The following FZD9 variants were observed in gnomAD, a reference collection of about 807,000 sequenced individuals.
FZD9 encodes frizzled class receptor 9, also known as frizzled-9.
A neutral mutation model predicts 29.9 loss-of-function variants in FZD9; 29 were observed. That is an observed-to-expected ratio of 0.97 (90% CI 0.72 to 1.32). The LOEUF is 1.32. Ranked by LOEUF, FZD9 falls within the 40% of genes most tolerant of loss-of-function variation. FZD9 has a pLI of 0.00. For missense variants in FZD9, 822 were observed against 857.8 expected (o/e 0.96, Z 0.52); for synonymous variants, 384 against 393.9 (o/e 0.97, Z 0.30).
At position 73,435,233 on chromosome 7, in the gene FZD9, A is replaced by C; in HGVS notation, c.1226A>C (p.Tyr409Ser). The C allele has an allele frequency of 6.2e-7, 1 of 1,613,622 alleles. No homozygotes were observed. Among genetic ancestry groups the C allele is most frequent in the Non-Finnish European group, 8.5e-7 (1 of 1,180,012 alleles). The stretch of plus-strand genomic sequence containing the variant: ...TTCGTGCTGGTGCCCCTCTCTGGCT[A>C]CCTGGTGCTGGGCAGTAGTTTCCTC... ...TGFVLVPLSGYLVLGSSFLLT... is the reference protein window; with the variant it reads ...TGFVLVPLSGSLVLGSSFLLT... The change falls in exon 1 of 1, where the codon TAC becomes TCC. Residue 409 changes from tyrosine to serine, a missense_variant. Physicochemically the swap from Tyr to Ser is moderately radical, Grantham distance 144 (BLOSUM62 -2). Coordinates refer to ENST00000344575, the MANE Select transcript of FZD9 (RefSeq NM_003508.3).
At position 73,435,582 on chromosome 7, in the gene FZD9, C is replaced by T. The variant is rs1583873222; in HGVS notation, c.1575C>T (p.Gly525=). Reference sequence around the variant, plus strand: ...CACTGGTGGTGGGGATCACCAGCGGCGTCTGGGTGTGGAGCTCCAAGACTT... The same window carrying T: ...CACTGGTGGTGGGGATCACCAGCGGTGTCTGGGTGTGGAGCTCCAAGACTT... ...FMSLVVGITS[G]VWVWSSKTFQ... The change falls in exon 1 of 1, where the codon GGC becomes GGT. Residue 525 remains glycine (G), a synonymous_variant. Transcript: ENST00000344575. The T allele has an allele frequency of 1.2e-6, 2 of 1,613,190 alleles. No homozygotes were observed. Among genetic ancestry groups the T allele is most frequent in the Non-Finnish European group, 1.7e-6 (2 of 1,179,834 alleles).
In FZD9 at chr7:73,435,097, G is replaced by T; in HGVS notation, c.1090G>T (p.Gly364Cys). ...HGSYFHMAAW[G>C]LPALKTIVIL... ...CAGCTATTTCCACATGGCTGCCTGGGGCCTGCCCGCGCTCAAGACCATCGT... is the reference window on the plus strand; with the variant it reads ...CAGCTATTTCCACATGGCTGCCTGGTGCCTGCCCGCGCTCAAGACCATCGT... Residue 364 changes from glycine (G) to cysteine (C), a missense_variant, in exon 1 of 1, where the codon GGC becomes TGC. Transcript: ENST00000344575. 1 of 1,611,946 alleles carries T rather than the reference G, an allele frequency of 6.2e-7. No individual in the cohort carries two copies.
chr7:73,433,882 G>A lies in FZD9; in HGVS notation c.-126G>A. 1.3e-6 allele frequency: 1 copy of A among 749,254 alleles called. No homozygotes were observed. Among genetic ancestry groups the A allele is most frequent in the Non-Finnish European group, 1.7e-6 (1 of 603,572 alleles). 46.4% of individuals were successfully genotyped at this position (749,254 alleles called of 1,614,324 possible). On this transcript the variant is annotated 5_prime_UTR_variant, in exon 1 of 1. Transcript: ENST00000344575. ...TGCCCGCTCGCTGCCCAGGGCGCCC[G>A]GACACACGTGGGCGGCTCAGCGATG...
chr7:73,435,934 G>A lies in FZD9; in HGVS notation c.*151G>A, dbSNP rs570421960. ...GGACTGAGGATCAGGGCGGGACCCCGTGAGGCTCATTAGGGGAGATGGGGG... is the reference window on the plus strand; with the variant it reads ...GGACTGAGGATCAGGGCGGGACCCCATGAGGCTCATTAGGGGAGATGGGGG... On this transcript the variant is annotated 3_prime_UTR_variant, in exon 1 of 1. Transcript: ENST00000344575. 2.8e-6 allele frequency: 3 copies of A among 1,071,106 alleles called. No homozygotes were observed. The highest frequency in any genetic ancestry group is 4.1e-6 in the Non-Finnish European group (3 of 740,484). The allele number at this position is 1,071,106 out of a possible 1,614,324, so 66.4% of individuals were successfully genotyped here.
At position 73,434,840 on chromosome 7, in the gene FZD9, C is replaced by G; in HGVS notation, c.833C>G (p.Ser278Trp). Residue 278 changes from serine to tryptophan, a missense_variant, in exon 1 of 1, where the codon TCG becomes TGG. Transcript: ENST00000344575. Reference sequence around the variant, plus strand: ...CTCTCCATGTGCTACAACGTCTACTCGCTGGCCTTCCTGATCCGTGCGGTG... The same window carrying G: ...CTCTCCATGTGCTACAACGTCTACTGGCTGGCCTTCCTGATCCGTGCGGTG... The part of the protein sequence containing the change: ...IFLSMCYNVY[S>W]LAFLIRAVAG... The G allele has an allele frequency of 6.2e-7, 1 of 1,613,440 alleles. No homozygotes were observed. The highest frequency in any genetic ancestry group is 8.5e-7 in the Non-Finnish European group (1 of 1,180,012).
chr7:73,435,310 G>T lies in FZD9; in HGVS notation c.1303G>T (p.Gly435Cys). The change falls in exon 1 of 1, where the codon GGC becomes TGC. Residue 435 changes from glycine (G) to cysteine (C), a missense_variant. Physicochemically the swap from Gly to Cys is radical, Grantham distance 159. Coordinates refer to ENST00000344575, the MANE Select transcript of FZD9 (RefSeq NM_003508.3). ...FHIRKIMKTGGTNTEKLEKLM... is the reference protein window; with the variant it reads ...FHIRKIMKTGCTNTEKLEKLM... ...CATCCGCAAGATCATGAAGACGGGCGGCACCAACACAGAGAAGCTGGAGAA... is the reference window on the plus strand; with the variant it reads ...CATCCGCAAGATCATGAAGACGGGCTGCACCAACACAGAGAAGCTGGAGAA... 1 of 1,613,756 alleles carries T rather than the reference G, an allele frequency of 6.2e-7. No homozygotes were observed.
Position 73,434,833 on chromosome 7 carries a change from G to A in FZD9, c.826G>A (p.Val276Ile). 4 of 1,613,298 alleles carry A rather than the reference G, an allele frequency of 2.5e-6. No individual in the cohort carries two copies. Among genetic ancestry groups the A allele is most frequent in the Non-Finnish European group, 3.4e-6 (4 of 1,180,016 alleles). ...PIIFLSMCYN[V>I]YSLAFLIRAV... ...CATCTTCCTCTCCATGTGCTACAAC[G>A]TCTACTCGCTGGCCTTCCTGATCCG... The change falls in exon 1 of 1, where the codon GTC becomes ATC. Residue 276 changes from valine (V) to isoleucine (I), a missense_variant. Physicochemically the swap from Val to Ile is conservative, Grantham distance 29. Coordinates refer to ENST00000344575, the MANE Select transcript of FZD9 (RefSeq NM_003508.3).
rs1554563436 is a variant in FZD9, at chr7:73,434,783, G to C, written c.776G>C (p.Arg259Pro). 6.2e-7 allele frequency: 1 copy of C among 1,612,620 alleles called. No individual in the cohort carries two copies. The highest frequency in any genetic ancestry group is 8.5e-7 in the Non-Finnish European group (1 of 1,179,966). ...CTCACCTTCTTGCTGGAGCCCCACC[G>C]CTTCCAGTACCCCGAGCGCCCCATC... ...TVLTFLLEPH[R>P]FQYPERPIIF... Residue 259 changes from arginine (R) to proline (P), a missense_variant, in exon 1 of 1, where the codon CGC becomes CCC. Coordinates refer to ENST00000344575, the MANE Select transcript of FZD9 (RefSeq NM_003508.3).
In FZD9 at chr7:73,434,769, G is replaced by T; in HGVS notation, c.762G>T (p.Leu254Phe). The change falls in exon 1 of 1, where the codon TTG becomes TTT. Residue 254 changes from leucine to phenylalanine, a missense_variant. Transcript: ENST00000344575. Reference protein sequence around the residue: ...FSTAFTVLTFLLEPHRFQYPE... With the variant: ...FSTAFTVLTFFLEPHRFQYPE... ...CCGCCTTCACTGTGCTCACCTTCTTGCTGGAGCCCCACCGCTTCCAGTACC... is the reference window on the plus strand; with the variant it reads ...CCGCCTTCACTGTGCTCACCTTCTTTCTGGAGCCCCACCGCTTCCAGTACC... 1 of 1,612,276 alleles carries T rather than the reference G, an allele frequency of 6.2e-7. No individual in the cohort carries two copies.
chr7:73,434,568 C>A lies in FZD9; in HGVS notation c.561C>A (p.Gly187=). 2 of 1,475,618 alleles carry A rather than the reference C, an allele frequency of 1.4e-6. No homozygotes were observed. The highest frequency in any genetic ancestry group is 8.9e-7 in the Non-Finnish European group (1 of 1,119,506). The allele number at this position is 1,475,618 out of a possible 1,614,324, so 91.4% of individuals were successfully genotyped here. A position where few individuals can be genotyped will look rare whatever the true frequency, so the allele number is the denominator to read the frequency against. ...PRPARPPGDL[G]PGAGGSGTCE... is the part of the protein sequence containing the mutation. ...CCGCGCGCCCTCCCGGAGACCTGGGCCCGGGCGCGGGCGGCAGTGGCACCT... is the reference window on the plus strand; with the variant it reads ...CCGCGCGCCCTCCCGGAGACCTGGGACCGGGCGCGGGCGGCAGTGGCACCT... The change falls in exon 1 of 1, where the codon GGC becomes GGA. Residue 187 remains glycine (G), a synonymous_variant. Coordinates refer to ENST00000344575, the MANE Select transcript of FZD9 (RefSeq NM_003508.3).
rs567917703 is a variant in FZD9, at chr7:73,434,881, G to A, written c.874G>A (p.Val292Met). 1.1e-5 allele frequency: 18 copies of A among 1,613,412 alleles called. No individual in the cohort carries two copies. The South Asian group carries it at 1.5e-4, about 14-fold the overall frequency. Residue 292 changes from valine (V) to methionine (M), a missense_variant, in exon 1 of 1, where the codon GTG becomes ATG. By Grantham distance (21) the Val-to-Met change is conservative. Transcript: ENST00000344575. ...CCGTGCGGTGGCCGGAGCGCAGAGC[G>A]TGGCCTGTGACCAGGAGGCGGGCGC... is the stretch of plus-strand genomic sequence containing the variant. ...LIRAVAGAQS[V>M]ACDQEAGALY... is the part of the protein sequence containing the mutation.
chr7:73,435,290 G>A lies in FZD9; in HGVS notation c.1283G>A (p.Arg428His), dbSNP rs782493264. Residue 428 changes from arginine (R) to histidine (H), a missense_variant, in exon 1 of 1, where the codon CGC (arginine) becomes CAC (histidine). Coordinates refer to ENST00000344575, the MANE Select transcript of FZD9 (RefSeq NM_003508.3). ...LTGFVALFHI[R>H]KIMKTGGTNT... ...GGCTTCGTGGCCCTCTTCCACATCCGCAAGATCATGAAGACGGGCGGCACC... is the reference window on the plus strand; with the variant it reads ...GGCTTCGTGGCCCTCTTCCACATCCACAAGATCATGAAGACGGGCGGCACC... The A allele has an allele frequency of 6.2e-6, 10 of 1,613,708 alleles. No individual in the cohort carries two copies. In the Admixed American group the frequency reaches 1.3e-4, roughly 22 times the overall value.
rs1554563132 is a variant in FZD9 at position 73,434,002 on chromosome 7, C to T, written c.-6C>T. On this transcript the variant is annotated 5_prime_UTR_variant, in exon 1 of 1. Transcript: ENST00000344575. ...GCGCTCCCGCCTTCGGCCCGGGCCT[C>T]CCGGGATGGCCGTGGCGCCTCTGCG... The T allele has an allele frequency of 8.3e-7, 1 of 1,209,940 alleles. No individual in the cohort carries two copies. The highest frequency in any genetic ancestry group is 1.6e-5 in the African/African-American group (1 of 63,254). The allele number at this position is 1,209,940 out of a possible 1,614,324, so 75.0% of individuals were successfully genotyped here. A position where few individuals can be genotyped will look rare whatever the true frequency, so the allele number is the denominator to read the frequency against.
chr7:73,434,777 C>G lies in FZD9; in HGVS notation c.770C>G (p.Pro257Arg). 1 of 1,612,582 alleles carries G rather than the reference C, an allele frequency of 6.2e-7. No individual in the cohort carries two copies. Among genetic ancestry groups the G allele is most frequent in the South Asian group, 1.1e-5 (1 of 91,088 alleles). ...ACTGTGCTCACCTTCTTGCTGGAGC[C>G]CCACCGCTTCCAGTACCCCGAGCGC... ...AFTVLTFLLE[P>R]HRFQYPERPI... Residue 257 changes from proline to arginine, a missense_variant, in exon 1 of 1, where the codon CCC (proline) becomes CGC (arginine). Coordinates refer to ENST00000344575, the MANE Select transcript of FZD9 (RefSeq NM_003508.3).
At position 73,434,217 on chromosome 7, in the gene FZD9, T is replaced by A; in HGVS notation, c.210T>A (p.Ala70=). Residue 70 remains alanine, a synonymous_variant, in exon 1 of 1, where the codon GCT becomes GCA. Transcript: ENST00000344575. ...GCCACACGTCGCAGGGCGAGGCGGC[T>A]GCCGAGCTAGCGGAGTTCGCGCCGC... ...LLGHTSQGEA[A]AELAEFAPLV... The A allele has an allele frequency of 6.3e-7, 1 of 1,576,380 alleles. No homozygotes were observed. The highest frequency in any genetic ancestry group is 8.6e-7 in the Non-Finnish European group (1 of 1,168,584).
In FZD9 at chr7:73,435,366, C is replaced by G. The variant is rs781893880; in HGVS notation, c.1359C>G (p.Ile453Met). ...TGGTCAAGATCGGGGTCTTCTCCAT[C>G]CTCTACACGGTGCCCGCCACCTGCG... Reference protein sequence around the residue: ...KLMVKIGVFSILYTVPATCVI... With the variant: ...KLMVKIGVFSMLYTVPATCVI... Residue 453 changes from isoleucine to methionine, a missense_variant, in exon 1 of 1, where the codon ATC (isoleucine) becomes ATG (methionine). By Grantham distance (10) the Ile-to-Met change is conservative. Coordinates refer to ENST00000344575, the MANE Select transcript of FZD9 (RefSeq NM_003508.3). 16 of 1,613,898 alleles carry G rather than the reference C, an allele frequency of 9.9e-6. No individual in the cohort carries two copies. In the South Asian group the frequency reaches 1.6e-4, roughly 17 times the overall value.
rs115041747 is a variant in FZD9, at chr7:73,435,333, G to A, written c.1326G>A (p.Glu442=). The part of the protein sequence containing the change: ...KTGGTNTEKL[E]KLMVKIGVFS... ...GCGGCACCAACACAGAGAAGCTGGA[G>A]AAGCTCATGGTCAAGATCGGGGTCT... The change falls in exon 1 of 1, where the codon GAG becomes GAA. Residue 442 remains glutamate, a synonymous_variant. Coordinates refer to ENST00000344575, the MANE Select transcript of FZD9 (RefSeq NM_003508.3). The A allele has an allele frequency of 3.4e-4, 546 of 1,613,852 alleles. 3 individuals carry two copies. In the East Asian group the frequency reaches 0.012, roughly 35 times the overall value.
chr7:73,434,582 G>A lies in FZD9; in HGVS notation c.575G>A (p.Gly192Asp), dbSNP rs575621716. ...GGAGACCTGGGCCCGGGCGCGGGCG[G>A]CAGTGGCACCTGCGAGAACCCCGAG... is the stretch of plus-strand genomic sequence containing the variant. ...PPGDLGPGAG[G>D]SGTCENPEKF... The change falls in exon 1 of 1, where the codon GGC (glycine) becomes GAC (aspartate). Residue 192 changes from glycine to aspartate, a missense_variant. By Grantham distance (94) the Gly-to-Asp change is moderately conservative. Coordinates refer to ENST00000344575, the MANE Select transcript of FZD9 (RefSeq NM_003508.3). 3.7e-5 allele frequency: 56 copies of A among 1,505,218 alleles called. 1 individual carries two copies. In the Admixed American group the frequency reaches 9.2e-4, roughly 25 times the overall value. 93.2% of individuals were successfully genotyped at this position (1,505,218 alleles called of 1,614,324 possible). A position where few individuals can be genotyped will look rare whatever the true frequency, so the allele number is the denominator to read the frequency against.
Position 73,434,245 on chromosome 7 carries a change from G to C in FZD9, c.238G>C (p.Val80Leu). Residue 80 changes from valine (V) to leucine (L), a missense_variant, in exon 1 of 1, where the codon GTG (valine) becomes CTG (leucine). Val to Leu is a conservative substitution (Grantham distance 32, BLOSUM62 1). Transcript: ENST00000344575. ...CGAGCTAGCGGAGTTCGCGCCGCTG[G>C]TGCAGTACGGCTGCCACAGCCACCT... The part of the protein sequence containing the change: ...AAELAEFAPL[V>L]QYGCHSHLRF... 6.3e-7 allele frequency: 1 copy of C among 1,587,996 alleles called. No individual in the cohort carries two copies. Among genetic ancestry groups the C allele is most frequent in the Non-Finnish European group, 8.5e-7 (1 of 1,173,956 alleles).
Sources: gnomAD v4.1 joint callset for allele counts on GRCh38, gnomAD v4.1.1 for gene constraint, MANE v1.5 for transcripts, NCBI Gene and HGNC (gene_info 2026-07-23, HGNC 2026-07-21) for gene names.